Variants in FBXO15 observed in about 807,000 individuals in gnomAD.
FBXO15 encodes F-box protein 15, also known as F-box only protein 15.
Under a neutral mutation model 49.5 loss-of-function variants are expected in FBXO15, and 30 were observed. The ratio of observed to expected loss-of-function variants is 0.61; its 90% confidence interval spans 0.45 to 0.82. The LOEUF (loss-of-function observed/expected upper bound fraction) is 0.82, where lower values mean the gene tolerates loss of function less well. Ranked by LOEUF, FBXO15 falls within the 40% of genes least tolerant of loss-of-function variation. The probability of loss-of-function intolerance (pLI) is 0.00; values close to 1 mark genes in which losing one functional copy is unlikely to be tolerated. For synonymous variants in FBXO15, 250 were observed against 232.7 expected, an observed-to-expected ratio of 1.07 and a Z score of -0.68; for missense variants, 591 against 631.5, an observed-to-expected ratio of 0.94 and a Z score of 0.69.
intron 8 of FBXO15, among the ~76,000 whole-genome samples, chr18:74,093,110 T>A (rs1913119653): frequency 6.6e-6 from 1 of 152,142 alleles, no homozygotes; most frequent in African/African-American, 2.4e-5. Flanking sequence ...TCCATGCACA[T>A]GTTTGTGCCA....
chr18:74,123,509 G>A lies in FBXO15; in HGVS notation c.997C>T (p.Pro333Ser). The change falls in exon 8 of 10, where the codon CCC becomes TCC. Residue 333 changes from proline (P) to serine (S), a missense_variant and splice_region_variant. Pro to Ser is a moderately conservative substitution (Grantham distance 74). Transcript: ENST00000419743. Reference sequence around the variant, plus strand: ...GGGCTATGTGGAGGCAGTTCATAGGGGCTGAAAAGCAAAACAAAAGAAACA... The same window carrying A: ...GGGCTATGTGGAGGCAGTTCATAGGAGCTGAAAAGCAAAACAAAAGAAACA... ...ERSTLGSATIPYELPPHSPFL... is the reference protein window; with the variant it reads ...ERSTLGSATISYELPPHSPFL... 1.3e-6 allele frequency: 2 copies of A among 1,587,678 alleles called. No individual in the cohort carries two copies. Among genetic ancestry groups the A allele is most frequent in the Non-Finnish European group, 1.7e-6 (2 of 1,172,988 alleles).
chr18:74,143,971 A>G (rs1979245653), intron 1 of FBXO15, among the ~76,000 whole-genome samples: 1 of 152,232 alleles, frequency 6.6e-6, no homozygotes, highest in Non-Finnish European at 1.5e-5. Flanking sequence ...ATGGGCAGTT[A>G]TACTGCATGG....
chr18:74,133,607 G>A (rs1364993408), intron 3 of FBXO15, among the ~76,000 whole-genome samples: 1 of 152,154 alleles, frequency 6.6e-6, no homozygotes, highest in Non-Finnish European at 1.5e-5. Context: ...TGCTACAAAG[G>A]AATACTTGAG....
At chr18:74,146,844 T>C (rs1001155304) in intron 1 of FBXO15, among the ~76,000 whole-genome samples, 1 of 152,154 alleles carries the variant, frequency 6.6e-6, no homozygotes, top group African/African-American at 2.4e-5. Flanking sequence ...ACATAGACCA[T>C]TGGTTTATTA....
chr18:74,120,910 A>G lies in FBXO15; in HGVS notation c.1138+2458T>C, dbSNP rs142141783. Among the ~76,000 whole-genome samples, 85 of 152,286 alleles carry G rather than the reference A, an allele frequency of 5.6e-4. 1 individual carries two copies. The highest frequency in any genetic ancestry group is 1.9e-3 in the African/African-American group (78 of 41,586). On this transcript the variant is annotated intron_variant, in intron 8 of 9. Coordinates refer to ENST00000419743, the MANE Select transcript of FBXO15 (RefSeq NM_001142958.2). Reference sequence around the variant, plus strand: ...GTATCTGAGAAGATGAATAAAATTGATAAACTTCCAGCCACACTGATCAGG... The same window carrying G: ...GTATCTGAGAAGATGAATAAAATTGGTAAACTTCCAGCCACACTGATCAGG...
intron 8 of FBXO15, among the ~76,000 whole-genome samples, chr18:74,100,599 A>C (rs1913473676): frequency 6.6e-6 from 1 of 152,126 alleles, no homozygotes; most frequent in African/African-American, 2.4e-5. Flanking sequence ...AACAAAAAAA[A>C]TACAAAAGAT....
chr18:74,075,622 T>A lies in FBXO15; in HGVS notation c.1264-1892A>T, dbSNP rs898221924. On this transcript the variant is annotated intron_variant, in intron 9 of 9. Transcript: ENST00000419743. This position sits in a 1 kb window ranked among gnomAD's most constrained non-coding sequence, Gnocchi z 4.1. The stretch of plus-strand genomic sequence containing the variant: ...CTCATCAAACCACTCTGGCCTGGTA[T>A]CCTTTTTCCATCATCTGACCGAACA... Among the ~76,000 whole-genome samples the A allele has an allele frequency of 8.5e-5, 13 of 152,334 alleles. No individual in the cohort carries two copies. The highest frequency in any genetic ancestry group is 3.1e-4 in the African/African-American group (13 of 41,584).
At chr18:74,093,445 T>A (rs1490525601) in intron 8 of FBXO15, among the ~76,000 whole-genome samples, 1 of 152,110 alleles carries the variant, frequency 6.6e-6, no homozygotes, top group Non-Finnish European at 1.5e-5. Flanking sequence ...TATTTGGGCT[T>A]CCAAGGCAGC....
chr18:74,117,820 CAT>C (rs1914296930), intron 8 of FBXO15, among the ~76,000 whole-genome samples: 2 of 152,054 alleles, frequency 1.3e-5, no homozygotes, highest in African/African-American at 2.4e-5. Context: ...GGAATGCAAA[CAT>C]AAAAATTAAT....
chr18:74,081,786 C>A (rs930085317), intron 9 of FBXO15, 141 bp downstream of exon 9: 4 of 629,918 alleles, frequency 6.4e-6, no homozygotes, highest in Non-Finnish European at 4.9e-6. Context: ...TGTGCACCAA[C>A]CTTCAGAAAC....
At chr18:74,111,754 GT>G (rs919397114) in intron 8 of FBXO15, among the ~76,000 whole-genome samples, 2 of 151,926 alleles carry the variant, frequency 1.3e-5, no homozygotes, top group African/African-American at 4.8e-5. Context: ...CCAAAAGCTG[GT>G]TTTTTTGGAA....
rs146128727 is a variant in FBXO15, at chr18:74,075,972, C to T, written c.1264-2242G>A. Among the ~76,000 whole-genome samples the T allele has an allele frequency of 3.5e-4, 53 of 152,314 alleles. No homozygotes were observed. Among genetic ancestry groups the T allele is most frequent in the Middle Eastern group, 3.4e-3 (1 of 294 alleles). ...AGTTCAAGACCTAAATATTCAAGTG[C>T]GTACTCAACTTCTGGATCTTTCAAC... On this transcript the variant is annotated intron_variant, in intron 9 of 9. Coordinates refer to ENST00000419743, the MANE Select transcript of FBXO15 (RefSeq NM_001142958.2). This position sits in a 1 kb window ranked among gnomAD's most constrained non-coding sequence, Gnocchi z 4.1.
chr18:74,117,552 C>T (rs1449255104), intron 8 of FBXO15, among the ~76,000 whole-genome samples: 1 of 152,102 alleles, frequency 6.6e-6, no homozygotes, highest in African/African-American at 2.4e-5. Context: ...GGAAGCAGGA[C>T]ATACCCAGCT....
intron 3 of FBXO15, among the ~76,000 whole-genome samples, chr18:74,132,977 T>C (rs893924301): frequency 6.6e-6 from 1 of 152,188 alleles, no homozygotes; most frequent in African/African-American, 2.4e-5. Flanking sequence ...TGCCCATAAG[T>C]CATCAGTGTA....
chr18:74,124,829 A>C (rs1374477565), intron 6 of FBXO15, among the ~76,000 whole-genome samples: 1 of 152,224 alleles, frequency 6.6e-6, no homozygotes, highest in Non-Finnish European at 1.5e-5. Flanking sequence ...CACAGCCTAG[A>C]GCTTGTGAAA....
At chr18:74,122,085 A>G (rs1281953234) in intron 8 of FBXO15, among the ~76,000 whole-genome samples, 3 of 152,282 alleles carry the variant, frequency 2.0e-5, no homozygotes, top group South Asian at 4.1e-4. Flanking sequence ...CAAGTGACCT[A>G]CGAGGGCATG....
intron 8 of FBXO15, chr18:74,099,969 G>A (rs1187087371): frequency 6.6e-6 from 1 of 152,136 alleles, no homozygotes; most frequent in Admixed American, 6.5e-5. Flanking sequence ...ATAACAGTGG[G>A]AAACTTCAAT....
chr18:74,073,826 C>G (rs1314608739), intron 9 of FBXO15, 96 bp from the exon 10 acceptor site: 3 of 1,433,758 alleles, frequency 2.1e-6, no homozygotes, highest in Non-Finnish European at 2.8e-6. Flanking sequence ...AGAAATGCTG[C>G]GTGTGGCATC....
intron 8 of FBXO15, among the ~76,000 whole-genome samples, chr18:74,105,411 C>CT (rs1176069164): frequency 1.3e-5 from 2 of 151,996 alleles, no homozygotes; most frequent in African/African-American, 4.8e-5. Flanking sequence ...ATATGTACAT[C>CT]TATTAGGCAT....
Sources: gnomAD v4.1 joint callset for allele counts (sites outside exome capture counted in the v4.1 genomes callset) on GRCh38, gnomAD v4.1.1 for gene constraint, Gnocchi (gnomAD v3.1) non-coding constraint, MANE v1.5 for transcripts, NCBI Gene and HGNC (gene_info 2026-07-23, HGNC 2026-07-21) for gene names.